BEND2: variants seen among roughly 807,000 people sequenced by gnomAD.
BEND2 encodes BEN domain containing 2.
BEND2 carries 19 observed loss-of-function variants against 43.8 expected under a neutral mutation model. The observed-to-expected ratio is 0.43, with a 90% CI of 0.30 to 0.64. BEND2 has a LOEUF of 0.64. BEND2 is among the 30% of genes least tolerant of loss of function. BEND2 has a pLI of 0.11. For missense variants in BEND2, 544 were observed against 574.0 expected (o/e 0.95, Z 0.53); for synonymous variants, 226 against 210.1 (o/e 1.08, Z -0.66).
At chrX:18,196,251 A>C (rs1924947157) in intron 6 of BEND2, among the ~76,000 whole-genome samples, 1 of 108,454 alleles carries the variant, frequency 9.2e-6, no homozygotes, top group Non-Finnish European at 1.9e-5. Flanking sequence ...GTAAGCCCAG[A>C]TCACACCACT....
rs1473724958 is a variant in BEND2 at position 18,195,351 on chromosome X, T to C, written c.1125A>G (p.Gly375=). 8.3e-7 allele frequency: 1 copy of C among 1,206,660 alleles called. No homozygotes were observed. The highest frequency in any genetic ancestry group is 1.8e-5 in the African/African-American group (1 of 56,891). ...AGGCTGGATATGGGGCACTCGTATT[T>C]CCCGATAAAGCTGGGTAATACACTG... ...SQTVYYPALS[G]NTSAPYPASS... Residue 375 remains glycine (G), a synonymous_variant, in exon 7 of 14, where the codon GGA becomes GGG. Transcript: ENST00000380033.
At chrX:18,180,315 G>A (rs1167868828) in intron 9 of BEND2, among the ~76,000 whole-genome samples, 195 bp downstream of exon 9, 1 of 112,780 alleles carries the variant, frequency 8.9e-6, no homozygotes, top group Non-Finnish European at 1.9e-5. Context: ...TATAAGTGAA[G>A]AAGAGGCATG....
intron 10 of BEND2, among the ~76,000 whole-genome samples, chrX:18,177,083 C>T (rs1429346964): frequency 9.1e-6 from 1 of 110,152 alleles, no homozygotes; most frequent in Non-Finnish European, 1.9e-5. Context: ...TTGTGGTATC[C>T]TTAGTATCCA....
chrX:18,218,923 C>T (rs1267163015), intron 1 of BEND2, among the ~76,000 whole-genome samples: 1 of 112,171 alleles, frequency 8.9e-6, no homozygotes, highest in Non-Finnish European at 1.9e-5. Context: ...ACTACCAAGG[C>T]GCAAGGCTTT....
chrX:18,191,342 G>A (rs185067005), intron 7 of BEND2, among the ~76,000 whole-genome samples: 38 of 112,028 alleles, frequency 3.4e-4, no homozygotes, highest in Non-Finnish European at 5.6e-4. Context: ...ATCTTGCACC[G>A]TCACGAAGGA....
intron 8 of BEND2, among the ~76,000 whole-genome samples, chrX:18,189,402 T>A (rs1376566461): frequency 9.1e-6 from 1 of 109,741 alleles, no homozygotes; most frequent in Non-Finnish European, 1.9e-5. Context: ...CCCAGCTACT[T>A]GGGAGGCTGA....
chrX:18,203,245 A>G (rs1455464858), intron 5 of BEND2, among the ~76,000 whole-genome samples: 1 of 110,504 alleles, frequency 9.0e-6, no homozygotes, highest in Non-Finnish European at 1.9e-5. Flanking sequence ...CTCATCTGAT[A>G]AAATTGTTTT....
Position 18,206,662 on chromosome X carries a change from C to T in BEND2, c.493-2747G>A, listed in dbSNP as rs776382013. ...TGTCAGCCCAGGCCACTAGAATAGT[C>T]GGGAAGGGGTCAGAAGAAGGGCGGG... is the stretch of plus-strand genomic sequence containing the variant. On this transcript the variant is annotated intron_variant, in intron 4 of 13. Transcript: ENST00000380033. 3.6e-5 allele frequency among the ~76,000 whole-genome samples: 4 copies of T among 110,360 alleles called. No homozygotes were observed. In the South Asian group the frequency reaches 1.6e-3, roughly 44 times the overall value.
chrX:18,175,660 G>A (rs12557935), intron 11 of BEND2, among the ~76,000 whole-genome samples: 47,901 of 110,971 alleles, frequency 0.43, 7,699 homozygotes, highest in Middle Eastern at 0.51. Flanking sequence ...TGTGTTGCTC[G>A]GTGAGATACT....
intron 8 of BEND2, among the ~76,000 whole-genome samples, chrX:18,184,494 A>G (rs1924504637): frequency 9.0e-6 from 1 of 111,675 alleles, no homozygotes; most frequent in Admixed American, 9.5e-5. Flanking sequence ...AAAAAGAACA[A>G]GAGTCTCTGC....
At chrX:18,184,604 C>A (rs1199585330) in intron 8 of BEND2, among the ~76,000 whole-genome samples, 2 of 112,185 alleles carry the variant, frequency 1.8e-5, no homozygotes, top group Non-Finnish European at 3.8e-5. Flanking sequence ...TTGGGGTGTC[C>A]CCTGATGCAG....
At chrX:18,178,912 C>A (rs1174103482) in intron 9 of BEND2, among the ~76,000 whole-genome samples, 1 of 111,505 alleles carries the variant, frequency 9.0e-6, no homozygotes, top group Non-Finnish European at 1.9e-5. Context: ...GTGGATACAC[C>A]AGAAGTCAAG....
At chrX:18,183,369 A>C (rs1383438117) in intron 8 of BEND2, among the ~76,000 whole-genome samples, 2 of 112,349 alleles carry the variant, frequency 1.8e-5, no homozygotes, top group Non-Finnish European at 3.8e-5. Context: ...CAAACTCCTA[A>C]ATAATCCACA....
intron 6 of BEND2, among the ~76,000 whole-genome samples, chrX:18,200,062 T>C (rs192187273): frequency 7.9e-4 from 88 of 111,793 alleles, no homozygotes; most frequent in African/African-American, 2.8e-3. Context: ...AACTTATATT[T>C]ACAGAAAAAC....
intron 8 of BEND2, among the ~76,000 whole-genome samples, chrX:18,189,662 A>T (rs1359887377): frequency 8.9e-6 from 1 of 112,336 alleles, no homozygotes; most frequent in Non-Finnish European, 1.9e-5. Flanking sequence ...TGTAAGCATA[A>T]AAAAGCAAAC....
intron 12 of BEND2, 140 bp from the exon 13 acceptor site, chrX:18,171,344 AT>A: frequency 1.5e-6 from 1 of 648,297 alleles, no homozygotes; most frequent in Non-Finnish European, 2.3e-6. Flanking sequence ...AAGGCCTTAC[AT>A]TTTTATTTAT....
intron 13 of BEND2, among the ~76,000 whole-genome samples, chrX:18,169,002 C>T (rs1260995272): frequency 9.1e-6 from 1 of 110,248 alleles, no homozygotes. Context: ...CAGTGGCACA[C>T]ACCTATAATC....
At chrX:18,179,981 A>G (rs778584462) in intron 9 of BEND2, among the ~76,000 whole-genome samples, 1 of 112,471 alleles carries the variant, frequency 8.9e-6, no homozygotes, top group East Asian at 2.8e-4. Flanking sequence ...GTTTGATAAC[A>G]GCCTGGCCAA....
chrX:18,189,992 G>A (rs761073028), intron 8 of BEND2, among the ~76,000 whole-genome samples: 6 of 108,949 alleles, frequency 5.5e-5, no homozygotes, highest in Admixed American at 9.8e-5. Context: ...AGAGGTTGCA[G>A]TGAGCCGAGA....
Sources: allele counts gnomAD v4.1 joint callset (sites outside exome capture counted in the v4.1 genomes callset), GRCh38; gene constraint gnomAD v4.1.1; transcripts MANE v1.5; gene names NCBI Gene and HGNC (gene_info 2026-07-23, HGNC 2026-07-21).